The following ACADL variants were observed in gnomAD, a reference collection of about 807,000 sequenced individuals.
ACADL encodes acyl-CoA dehydrogenase long chain.
Under a neutral mutation model 56.9 loss-of-function variants are expected in ACADL, and 60 were observed. That is an observed-to-expected ratio of 1.05 (90% CI 0.86 to 1.31). ACADL has a LOEUF of 1.31. Ranked by LOEUF, ACADL falls within the 50% of genes most tolerant of loss-of-function variation. The pLI is 0.00. For missense variants in ACADL, 484 were observed against 525.5 expected, an observed-to-expected ratio of 0.92 and a Z score of 0.77; for synonymous variants, 158 against 179.7, an observed-to-expected ratio of 0.88 and a Z score of 0.97.
intron 1 of ACADL, chr2:210,224,341 C>T (rs771758173): frequency 7.2e-6 from 7 of 967,024 alleles, no homozygotes; most frequent in Non-Finnish European, 8.6e-6. Context: ...TCCCAAATCT[C>T]CCCAGGAAAA....
chr2:210,224,488 A>G (rs1474915223), intron 1 of ACADL: 5 of 985,292 alleles, frequency 5.1e-6, no homozygotes, highest in African/African-American at 1.7e-5. Context: ...CCCAGTGAAT[A>G]GATTTTATGC....
chr2:210,214,031 A>AATAAT (rs2125715883), intron 4 of ACADL, among the ~76,000 whole-genome samples: 1 of 2,588 alleles, frequency 3.9e-4, no homozygotes, highest in East Asian at 0.17. Context: ...TTTAAAAAAT[A>AATAAT]ATAAAATAAA....
Position 210,205,812 on chromosome 2 carries a change from T to C in ACADL, c.604-16A>G. 1 of 1,613,640 alleles carries C rather than the reference T, an allele frequency of 6.2e-7. No individual in the cohort carries two copies. Among genetic ancestry groups the C allele is most frequent in the African/African-American group, 1.3e-5 (1 of 75,010 alleles). On this transcript the variant is annotated splice_polypyrimidine_tract_variant and intron_variant, in intron 5 of 10. Transcript: ENST00000233710. The stretch of plus-strand genomic sequence containing the variant: ...TGATGAACACCTGCAAAACCCCAAG[T>C]ACATTATTAATGCACCATGATAATT...
chr2:210,206,270 A>T (rs534199511), intron 5 of ACADL, among the ~76,000 whole-genome samples: 2 of 152,048 alleles, frequency 1.3e-5, no homozygotes, highest in East Asian at 3.9e-4. Flanking sequence ...GAGACAAAAA[A>T]ATTAAAAATT....
chr2:210,189,430 TA>T (rs1344651661), intron 10 of ACADL, among the ~76,000 whole-genome samples: 1 of 152,124 alleles, frequency 6.6e-6, no homozygotes, highest in East Asian at 1.9e-4. Flanking sequence ...TAATGTTTCC[TA>T]AAAAGTTGAA....
intron 8 of ACADL, among the ~76,000 whole-genome samples, chr2:210,200,757 G>T (rs1688779179): frequency 6.6e-6 from 1 of 152,104 alleles, no homozygotes; most frequent in Non-Finnish European, 1.5e-5. Context: ...GTAGCAAACA[G>T]TTCCCAAAAC....
chr2:210,187,952 ATTACTTT>A lies in ACADL; in HGVS notation c.*1002_*1008del, dbSNP rs1367757413. ...TTAAATTAATGGTTTATTTTTTGTA[ATTACTTT>A]TAAGTCTTAAATCAAATGTCATTTC... On this transcript the variant is annotated 3_prime_UTR_variant, in exon 11 of 11. Transcript: ENST00000233710. The A allele has an allele frequency of 6.6e-6, 1 of 152,150 alleles. No individual in the cohort carries two copies. The highest frequency in any genetic ancestry group is 2.4e-5 in the African/African-American group (1 of 41,444). The allele number at this position is 152,150 out of a possible 1,614,324, so 9.4% of individuals were successfully genotyped here.
chr2:210,195,391 T>A, intron 8 of ACADL, 53 bp from the exon 9 acceptor site: 1 of 1,538,142 alleles, frequency 6.5e-7, no homozygotes, highest in Non-Finnish European at 9.0e-7. Flanking sequence ...AAATATAAAC[T>A]TCAACCCACT....
intron 8 of ACADL, among the ~76,000 whole-genome samples, chr2:210,198,958 A>G (rs966680399): frequency 6.6e-6 from 1 of 152,150 alleles, no homozygotes; most frequent in African/African-American, 2.4e-5. Context: ...TTTCTATTCT[A>G]AAAAGAAAAT....
At position 210,225,353 on chromosome 2, in the gene ACADL, G is replaced by A; in HGVS notation, c.-90C>T. The A allele has an allele frequency of 1.2e-5, 17 of 1,405,900 alleles. No individual in the cohort carries two copies. The highest frequency in any genetic ancestry group is 1.6e-5 in the Non-Finnish European group (17 of 1,037,842). 87.1% of individuals were successfully genotyped at this position (1,405,900 alleles called of 1,614,324 possible). ...GGGTCCCCGGGAGGGAGGACGATCA[G>A]CTGAGGCGTCCACCTGTGGTGTCCT... On this transcript the variant is annotated 5_prime_UTR_variant, in exon 1 of 11. Transcript: ENST00000233710.
chr2:210,206,491 C>A (rs1464094984), intron 5 of ACADL, among the ~76,000 whole-genome samples: 1 of 151,722 alleles, frequency 6.6e-6, no homozygotes, highest in Non-Finnish European at 1.5e-5. Flanking sequence ...CTGTAAATGG[C>A]ACTATATTAT....
At chr2:210,216,165 C>G (rs1687984792) in intron 4 of ACADL, among the ~76,000 whole-genome samples, 182 bp downstream of exon 4, 2 of 152,194 alleles carry the variant, frequency 1.3e-5, no homozygotes, top group African/African-American at 4.8e-5. Flanking sequence ...ATGTTAATAT[C>G]TCAAACATAG....
intron 5 of ACADL, among the ~76,000 whole-genome samples, chr2:210,208,623 G>A (rs533148768): frequency 4.7e-4 from 72 of 152,120 alleles, no homozygotes; most frequent in African/African-American, 1.7e-3. Context: ...AAAAGAAAAA[G>A]GAAAATATAA....
At chr2:210,205,948 A>T in intron 5 of ACADL, 152 bp from the exon 6 acceptor site, 2 of 850,284 alleles carry the variant, frequency 2.4e-6, no homozygotes, top group Admixed American at 2.2e-5. Context: ...TGCAAAGTTG[A>T]TTATTCACAC....
chr2:210,205,661 T>G lies in ACADL; in HGVS notation c.739A>C (p.Lys247Gln). The change falls in exon 6 of 11, where the codon AAG becomes CAG. Residue 247 changes from lysine to glutamine, a missense_variant. Transcript: ENST00000233710. The part of the protein sequence containing the change: ...NGMKGFIKGR[K>Q]LHKMGLKAQD... ...GCTTTTAATCCCATTTTATGTAGCT[T>G]TCGTCCCTTGATAAATCCTTTCATT... 1 of 1,613,940 alleles carries G rather than the reference T, an allele frequency of 6.2e-7. No homozygotes were observed. The highest frequency in any genetic ancestry group is 8.5e-7 in the Non-Finnish European group (1 of 1,179,918).
intron 1 of ACADL, among the ~76,000 whole-genome samples, chr2:210,221,265 G>A (rs929420240): frequency 2.6e-5 from 4 of 152,132 alleles, no homozygotes; most frequent in Non-Finnish European, 5.9e-5. Context: ...TGTATAAGAT[G>A]CAAACCATGT....
intron 1 of ACADL, among the ~76,000 whole-genome samples, chr2:210,223,360 A>T (rs971152826): frequency 6.6e-6 from 1 of 152,198 alleles, no homozygotes; most frequent in African/African-American, 2.4e-5. Flanking sequence ...TTGTTTTTTT[A>T]AAGTCTCCTA....
At chr2:210,208,954 A>G (rs1688935362) in intron 5 of ACADL, among the ~76,000 whole-genome samples, 1 of 152,172 alleles carries the variant, frequency 6.6e-6, no homozygotes, top group Non-Finnish European at 1.5e-5. Flanking sequence ...TGAGCAGACG[A>G]GGTCTGCTTA....
chr2:210,213,809 T>C (rs1180290144), intron 4 of ACADL, among the ~76,000 whole-genome samples: 1 of 152,162 alleles, frequency 6.6e-6, no homozygotes, highest in East Asian at 1.9e-4. Flanking sequence ...AATACTTCAT[T>C]TATTATTTTC....
Sources: gnomAD v4.1 joint callset for allele counts (sites outside exome capture counted in the v4.1 genomes callset) on GRCh38, gnomAD v4.1.1 for gene constraint, MANE v1.5 for transcripts, NCBI Gene and HGNC (gene_info 2026-07-23, HGNC 2026-07-21) for gene names.